MFSD11: variants seen among roughly 807,000 people sequenced by gnomAD.
MFSD11 encodes the protein major facilitator superfamily domain containing 11.
Under a neutral mutation model 53.5 loss-of-function variants are expected in MFSD11, and 36 were observed. The ratio of observed to expected loss-of-function variants is 0.67; its 90% CI spans 0.52 to 0.89. MFSD11 has a LOEUF of 0.89. Among genes scored for constraint, MFSD11 ranks in the 40% least tolerant of loss-of-function variants. The pLI is 0.00. For synonymous variants in MFSD11, 186 were observed against 184.9 expected (o/e 1.01, Z -0.05); for missense variants, 530 against 543.9 (o/e 0.97, Z 0.25).
chr17:76,764,964 A>G (rs1264740212), intron 8 of MFSD11, among the ~76,000 whole-genome samples: 1 of 152,082 alleles, frequency 6.6e-6, no homozygotes, highest in Non-Finnish European at 1.5e-5. Context: ...AGCCATCCCA[A>G]CAGGTGTGAG....
At chr17:76,745,780 G>A (rs575253393) in intron 7 of MFSD11, among the ~76,000 whole-genome samples, 1 of 151,874 alleles carries the variant, frequency 6.6e-6, no homozygotes, top group African/African-American at 2.4e-5. Flanking sequence ...AAAGTGAAAG[G>A]AAGACATGCA....
At chr17:76,796,151 T>A in the MFSD11 span, among the ~76,000 whole-genome samples, 1 of 152,314 alleles carries the variant, frequency 6.6e-6, no homozygotes. Context: ...CTTCAACATC[T>A]CTGCCTTTGT....
downstream of MFSD11, among the ~76,000 whole-genome samples, chr17:76,786,144 ATTT>A (rs1158677966): frequency 2.3e-5 from 3 of 130,870 alleles, no homozygotes; most frequent in Non-Finnish European, 1.6e-5. Flanking sequence ...AGCTCTTCTA[ATTT>A]TTTTTTTTTT....
downstream of MFSD11, among the ~76,000 whole-genome samples, chr17:76,786,394 G>A (rs903290693): frequency 9.2e-5 from 14 of 151,962 alleles, no homozygotes; most frequent in African/African-American, 2.2e-4. Flanking sequence ...TGCCCGCCTC[G>A]GCCTCCCAAA....
chr17:76,798,008 C>T, the MFSD11 span, among the ~76,000 whole-genome samples: 613 of 152,052 alleles, frequency 4.0e-3, 6 homozygotes, highest in African/African-American at 0.014. Context: ...CTCAGCCTCC[C>T]GAGTAGCTGG....
At chr17:76,752,844 C>A (rs1424694015) in intron 7 of MFSD11, 1 of 152,126 alleles carries the variant, frequency 6.6e-6, no homozygotes, top group Non-Finnish European at 1.5e-5. Context: ...TTTAAAATAA[C>A]CTTCCCTTTT....
Position 76,778,402 on chromosome 17 carries a change from C to A in MFSD11, c.*50C>A. ...ATGACCTCAGAAACACAGCTGGACA[C>A]AGAGCTTGGTGGAAGAAGTCGCCTT... On this transcript the variant is annotated 3_prime_UTR_variant, in exon 13 of 13. Transcript: ENST00000685175. 1 of 1,586,666 alleles carries A rather than the reference C, an allele frequency of 6.3e-7. No homozygotes were observed. Among genetic ancestry groups the A allele is most frequent in the Non-Finnish European group, 8.6e-7 (1 of 1,158,314 alleles).
the MFSD11 span, among the ~76,000 whole-genome samples, chr17:76,789,126 A>G: frequency 1.3e-5 from 2 of 150,158 alleles, no homozygotes; most frequent in Non-Finnish European, 3.0e-5. Context: ...TGGGTGACAG[A>G]GTGAGACTTC....
chr17:76,774,888 A>G (rs1200427616), intron 10 of MFSD11, 109 bp from the exon 11 acceptor site: 1 of 1,156,268 alleles, frequency 8.6e-7, no homozygotes. Context: ...TTTTTTGAAG[A>G]AATTTAACAA....
chr17:76,739,813 A>C (rs527431931), intron 2 of MFSD11, among the ~76,000 whole-genome samples: 1 of 152,118 alleles, frequency 6.6e-6, no homozygotes, highest in Non-Finnish European at 1.5e-5. Flanking sequence ...GTTACTGTTC[A>C]TTTTTGTAAG....
chr17:76,778,134 T>C, intron 12 of MFSD11, 54 bp from the exon 13 acceptor site: 1 of 1,597,080 alleles, frequency 6.3e-7, no homozygotes, highest in Middle Eastern at 1.7e-4. Flanking sequence ...GGGCTAACTG[T>C]GGCTCAGTGT....
At chr17:76,745,749 C>G (rs555852211) in intron 7 of MFSD11, among the ~76,000 whole-genome samples, 200 of 152,300 alleles carry the variant, frequency 1.3e-3, no homozygotes, top group Non-Finnish European at 2.1e-3. Flanking sequence ...GTTAATGACC[C>G]TACAATAGCC....
intron 8 of MFSD11, among the ~76,000 whole-genome samples, chr17:76,756,604 T>C (rs1000447873): frequency 6.6e-6 from 1 of 152,134 alleles, no homozygotes; most frequent in Non-Finnish European, 1.5e-5. Flanking sequence ...CTCATGCCTA[T>C]AATGCCATCA....
At chr17:76,785,165 T>C (rs999115983), downstream of MFSD11, among the ~76,000 whole-genome samples, 4 of 152,184 alleles carry the variant, frequency 2.6e-5, no homozygotes, top group African/African-American at 7.2e-5. Flanking sequence ...TGCTACAACA[T>C]AGATGGACCT....
intron 7 of MFSD11, chr17:76,752,922 C>T (rs1440597902): frequency 2.6e-5 from 4 of 151,806 alleles, no homozygotes; most frequent in African/African-American, 7.3e-5. Context: ...GTGCTCACTT[C>T]GGCAGCACAA....
chr17:76,748,576 A>G (rs1328908756), intron 7 of MFSD11, among the ~76,000 whole-genome samples: 1 of 151,550 alleles, frequency 6.6e-6, no homozygotes, highest in Non-Finnish European at 1.5e-5. Context: ...AGTCCCAGCT[A>G]CTTGAGAGGC....
At chr17:76,767,777 A>G (rs950031032) in intron 9 of MFSD11, among the ~76,000 whole-genome samples, 1 of 152,196 alleles carries the variant, frequency 6.6e-6, no homozygotes. Context: ...AAAAGGCAAC[A>G]GGAAAGAATA....
the MFSD11 span, among the ~76,000 whole-genome samples, chr17:76,792,002 A>G: frequency 1.3e-5 from 2 of 148,838 alleles, no homozygotes; most frequent in Non-Finnish European, 3.0e-5. Context: ...AATATGCTAG[A>G]TGAGCCCAGC....
chr17:76,778,575 G>A lies in MFSD11; in HGVS notation c.*223G>A. 1 of 462,724 alleles carries A rather than the reference G, an allele frequency of 2.2e-6. No homozygotes were observed. Among genetic ancestry groups the A allele is most frequent in the Non-Finnish European group, 3.8e-6 (1 of 261,746 alleles). The allele number at this position is 462,724 out of a possible 1,614,324, so 28.7% of individuals were successfully genotyped here. ...GAAAGCTGTTCTGTCAACTGTAATT[G>A]TTCAAAGATGTTGTTTTTCATTTCA... On this transcript the variant is annotated 3_prime_UTR_variant, in exon 13 of 13. Coordinates refer to ENST00000685175, the MANE Select transcript of MFSD11 (RefSeq NM_001242532.5).
Sources: gnomAD v4.1 joint callset for allele counts (sites outside exome capture counted in the v4.1 genomes callset) on GRCh38, gnomAD v4.1.1 for gene constraint, MANE v1.5 for transcripts, NCBI Gene and HGNC (gene_info 2026-07-23, HGNC 2026-07-21) for gene names.